Variants in ADD1 observed in about 807,000 individuals in gnomAD.
The protein encoded by ADD1 is alpha-adducin.
A neutral mutation model predicts 80.5 loss-of-function variants in ADD1; 24 were observed. The ratio of observed to expected loss-of-function variants is 0.30; its 90% CI spans 0.22 to 0.42. ADD1 has a LOEUF of 0.42. Ranked by LOEUF, ADD1 falls within the 10% of genes least tolerant of loss-of-function variation. ADD1 has a pLI of 1.00. For missense variants in ADD1, 948 were observed against 1,019.0 expected (o/e 0.93, Z 0.95); for synonymous variants, 373 against 393.8 (o/e 0.95, Z 0.63).
intron 6 of ADD1, among the ~76,000 whole-genome samples, chr4:2,896,486 G>T (rs977932862): frequency 2.0e-5 from 3 of 152,150 alleles, no homozygotes; most frequent in Non-Finnish European, 2.9e-5. Context: ...TGGGATTACA[G>T]GCATGAGCCA....
intron 14 of ADD1, among the ~76,000 whole-genome samples, chr4:2,917,338 A>T (rs908176239): frequency 1.3e-5 from 2 of 152,104 alleles, no homozygotes; most frequent in Admixed American, 6.5e-5. Flanking sequence ...TCTTCTTTTG[A>T]GAAGTGTCTG....
At chr4:2,894,192 A>T in intron 5 of ADD1, 99 bp downstream of exon 5, 1 of 980,950 alleles carries the variant, frequency 1.0e-6, no homozygotes, top group Non-Finnish European at 1.6e-6. Flanking sequence ...AAGAAACAAG[A>T]AAGAGCCTAT....
At chr4:2,920,235 G>C (rs956566699) in intron 14 of ADD1, among the ~76,000 whole-genome samples, 9 of 152,108 alleles carry the variant, frequency 5.9e-5, no homozygotes, top group Non-Finnish European at 1.0e-4. Context: ...CTCTTGCTGA[G>C]GAGTGTTTTA....
intron 4 of ADD1, among the ~76,000 whole-genome samples, chr4:2,888,496 A>C (rs1217785919): frequency 3.3e-5 from 5 of 150,794 alleles, no homozygotes; most frequent in African/African-American, 1.2e-4. Flanking sequence ...GGCTCACTCA[A>C]CCTCTACCTT....
Position 2,926,528 on chromosome 4 carries a change from G to A in ADD1, c.2047+416G>A. 8.9e-7 allele frequency: 1 copy of A among 1,122,332 alleles called. No individual in the cohort carries two copies. The highest frequency in any genetic ancestry group is 1.3e-6 in the Non-Finnish European group (1 of 758,182). 69.5% of individuals were successfully genotyped at this position (1,122,332 alleles called of 1,614,324 possible). A position where few individuals can be genotyped will look rare whatever the true frequency, so the allele number is the denominator to read the frequency against. On this transcript the variant is annotated intron_variant, in intron 15 of 15. Transcript: ENST00000683351. This position sits in a 1 kb window ranked among gnomAD's most constrained non-coding sequence, Gnocchi z 5.0. ...CTGTCCCTCGGTCTCGTACATCCAT[G>A]TCTCTCGTGAAGCCCGTGGCCCTGC...
chr4:2,928,249 A>G lies in ADD1; in HGVS notation c.2126A>G (p.Asp709Gly). Residue 709 changes from aspartate (D) to glycine (G), a missense_variant, in exon 16 of 16, where the codon GAT becomes GGT. Coordinates refer to ENST00000683351, the MANE Select transcript of ADD1 (RefSeq NM_001354761.2). ...CCAACTCTCCCCGATCTGTCCCCTG[A>G]TGAACCTTCAGAAGCACTCGGCTTC... ...FKPTLPDLSPDEPSEALGFPM... is the reference protein window; with the variant it reads ...FKPTLPDLSPGEPSEALGFPM... 6.2e-7 allele frequency: 1 copy of G among 1,614,080 alleles called. No homozygotes were observed. Among genetic ancestry groups the G allele is most frequent in the Non-Finnish European group, 8.5e-7 (1 of 1,180,020 alleles).
rs967300534 is a variant in ADD1, at chr4:2,926,437, G to A, written c.2047+325G>A. ...GATGCCACCTTCGGAGGTGCCCTCCGCTGTGTGAGCCACACGCCGGCTGCC... is the reference window on the plus strand; with the variant it reads ...GATGCCACCTTCGGAGGTGCCCTCCACTGTGTGAGCCACACGCCGGCTGCC... On this transcript the variant is annotated intron_variant, in intron 15 of 15. Transcript: ENST00000683351. The surrounding 1 kb of genome is among the most constrained non-coding windows in gnomAD (Gnocchi z 5.0). The A allele has an allele frequency of 3.2e-5, 22 of 693,342 alleles. No homozygotes were observed. The highest frequency in any genetic ancestry group is 5.2e-5 in the Non-Finnish European group (20 of 383,674). 42.9% of individuals were successfully genotyped at this position (693,342 alleles called of 1,614,324 possible). A position where few individuals can be genotyped will look rare whatever the true frequency, so the allele number is the denominator to read the frequency against.
At chr4:2,913,401 C>T (rs1221668661) in intron 13 of ADD1, among the ~76,000 whole-genome samples, 2 of 152,104 alleles carry the variant, frequency 1.3e-5, no homozygotes, top group African/African-American at 4.8e-5. Flanking sequence ...AGACTTGGCT[C>T]GGGCCACAGC....
chr4:2,880,499 G>A (rs1249891955), intron 2 of ADD1, among the ~76,000 whole-genome samples: 6 of 105,418 alleles, frequency 5.7e-5, no homozygotes, highest in Non-Finnish European at 8.9e-5. Context: ...TTTTTGAGAC[G>A]GAGTCTCGCT....
intron 5 of ADD1, among the ~76,000 whole-genome samples, 162 bp from the exon 6 acceptor site, chr4:2,894,420 T>C (rs1162651553): frequency 2.0e-5 from 3 of 146,582 alleles, no homozygotes; most frequent in Non-Finnish European, 3.0e-5. Context: ...TAGCTGGGCA[T>C]GGTGGTGGGA....
At chr4:2,920,286 G>A (rs1170908954) in intron 14 of ADD1, among the ~76,000 whole-genome samples, 1 of 152,184 alleles carries the variant, frequency 6.6e-6, no homozygotes, top group Non-Finnish European at 1.5e-5. Context: ...GTGCGATGTG[G>A]TGCTGAGAAG....
intron 4 of ADD1, among the ~76,000 whole-genome samples, 174 bp downstream of exon 4, chr4:2,884,840 A>G (rs536186215): frequency 1.1e-3 from 172 of 152,342 alleles, no homozygotes; most frequent in Non-Finnish European, 2.2e-3. Flanking sequence ...AGTTTGGGTT[A>G]AAAGTTACAG....
At chr4:2,924,532 C>T (rs1274912182) in intron 14 of ADD1, among the ~76,000 whole-genome samples, 1 of 152,242 alleles carries the variant, frequency 6.6e-6, no homozygotes, top group Non-Finnish European at 1.5e-5. Context: ...CTTGCTGGAG[C>T]CACCTTGTTG....
At chr4:2,904,514 C>T (rs555353861) in intron 9 of ADD1, 2 of 557,396 alleles carry the variant, frequency 3.6e-6, no homozygotes, top group African/African-American at 3.8e-5. Flanking sequence ...CTATCCATCT[C>T]CTATATGGAT....
chr4:2,926,624 T>G lies in ADD1; in HGVS notation c.2047+512T>G. ...CTCTCCTTGTGCTTTTTTCTCCCTG[T>G]GGCTGCGTCACAAGCAGGAGACGGA... On this transcript the variant is annotated intron_variant, in intron 15 of 15. Transcript: ENST00000683351. This position sits in a 1 kb window ranked among gnomAD's most constrained non-coding sequence, Gnocchi z 5.0. 1.9e-6 allele frequency: 3 copies of G among 1,613,662 alleles called. No individual in the cohort carries two copies. Among genetic ancestry groups the G allele is most frequent in the Non-Finnish European group, 2.5e-6 (3 of 1,179,780 alleles).
At chr4:2,893,888 T>C in intron 4 of ADD1, 125 bp from the exon 5 acceptor site, 1 of 789,376 alleles carries the variant, frequency 1.3e-6, no homozygotes, top group Non-Finnish European at 2.2e-6. Flanking sequence ...TGACAGGCAT[T>C]GTGCATGGAC....
At chr4:2,924,251 T>C (rs997999016) in intron 14 of ADD1, among the ~76,000 whole-genome samples, 2 of 152,120 alleles carry the variant, frequency 1.3e-5, no homozygotes, top group Non-Finnish European at 2.9e-5. Context: ...ATGTCAGGCT[T>C]TGAAAAGGAA....
intron 1 of ADD1, among the ~76,000 whole-genome samples, chr4:2,850,668 G>A (rs958241404): frequency 2.6e-5 from 4 of 151,902 alleles, no homozygotes; most frequent in South Asian, 4.2e-4. Context: ...CTCATGATCC[G>A]CCCGCCTCGG....
intron 2 of ADD1, among the ~76,000 whole-genome samples, chr4:2,881,202 C>CTA (rs1351119204): frequency 6.6e-6 from 1 of 151,272 alleles, no homozygotes; most frequent in African/African-American, 2.4e-5. Context: ...CTCAGCCTCC[C>CTA]AAGTAGCTGG....
Sources: gnomAD v4.1 joint callset for allele counts (sites outside exome capture counted in the v4.1 genomes callset) on GRCh38, gnomAD v4.1.1 for gene constraint, Gnocchi (gnomAD v3.1) non-coding constraint, MANE v1.5 for transcripts, NCBI Gene and HGNC (gene_info 2026-07-23, HGNC 2026-07-21) for gene names.